Variants in NRF1 observed in about 807,000 individuals in gnomAD.
The protein encoded by NRF1 is nuclear respiratory factor 1.
Under a neutral mutation model 58.5 loss-of-function variants are expected in NRF1, and 5 were observed. The ratio of observed to expected loss-of-function variants is 0.09; its 90% CI spans 0.04 to 0.18. The LOEUF (loss-of-function observed/expected upper bound fraction) is 0.18. NRF1 is among the 10% of genes least tolerant of loss of function. NRF1 has a pLI of 1.00. For missense variants in NRF1, 288 were observed against 657.7 expected (o/e 0.44, Z 6.15); for synonymous variants, 224 against 246.7 (o/e 0.91, Z 0.86).
intron 1 of NRF1, among the ~76,000 whole-genome samples, chr7:129,630,335 GTC>G (rs1801020639): frequency 6.6e-6 from 1 of 152,200 alleles, no homozygotes; most frequent in Non-Finnish European, 1.5e-5. Context: ...AGAGCTAACA[GTC>G]TGAGCCTTGC....
At chr7:129,680,970 C>A (rs1226909785) in intron 4 of NRF1, among the ~76,000 whole-genome samples, 1 of 152,164 alleles carries the variant, frequency 6.6e-6, no homozygotes, top group Non-Finnish European at 1.5e-5. Context: ...ATGTGCAGGT[C>A]CCATCCCTGG....
chr7:129,631,763 A>G (rs146388821), intron 1 of NRF1, among the ~76,000 whole-genome samples: 199 of 152,272 alleles, frequency 1.3e-3, no homozygotes, highest in Non-Finnish European at 2.5e-3. Flanking sequence ...AAAGTAAAAA[A>G]TCTTCTTTTA....
intron 1 of NRF1, among the ~76,000 whole-genome samples, chr7:129,640,816 A>G (rs1801272899): frequency 6.6e-6 from 1 of 151,112 alleles, no homozygotes; most frequent in Non-Finnish European, 1.5e-5. Flanking sequence ...GGAAAATGAG[A>G]ACATCAAACT....
chr7:129,721,722 C>A (rs1803331415), intron 9 of NRF1, among the ~76,000 whole-genome samples: 1 of 152,096 alleles, frequency 6.6e-6, no homozygotes, highest in Non-Finnish European at 1.5e-5. Context: ...ACCTCGTGAT[C>A]CACCCGCCTC....
At chr7:129,691,881 T>C (rs1028665594) in intron 5 of NRF1, among the ~76,000 whole-genome samples, 2 of 152,112 alleles carry the variant, frequency 1.3e-5, no homozygotes, top group East Asian at 1.9e-4. Flanking sequence ...ATCATCGATA[T>C]GCTGTTTTCA....
At chr7:129,710,705 T>C in intron 7 of NRF1, 134 bp downstream of exon 7, 1 of 628,832 alleles carries the variant, frequency 1.6e-6, no homozygotes, top group South Asian at 1.9e-5. Flanking sequence ...TCTTCCTACC[T>C]GAAATTGATT....
intron 1 of NRF1, among the ~76,000 whole-genome samples, chr7:129,649,795 TCA>T (rs1321174912): frequency 1.8e-4 from 27 of 152,150 alleles, no homozygotes; most frequent in African/African-American, 6.5e-4. Context: ...ACTCTGTCAC[TCA>T]CACAGGAGTG....
At chr7:129,729,370 G>A (rs1803526996) in intron 10 of NRF1, among the ~76,000 whole-genome samples, 1 of 152,228 alleles carries the variant, frequency 6.6e-6, no homozygotes, top group Non-Finnish European at 1.5e-5. Flanking sequence ...ATCATTTGGT[G>A]TGATTTCATG....
chr7:129,639,754 G>A (rs1051795343), intron 1 of NRF1, among the ~76,000 whole-genome samples: 3 of 151,960 alleles, frequency 2.0e-5, no homozygotes, highest in African/African-American at 7.3e-5. Context: ...CACCATGCTG[G>A]CCAGGCTGGT....
chr7:129,625,601 G>C (rs1800894770), intron 1 of NRF1, among the ~76,000 whole-genome samples: 1 of 151,690 alleles, frequency 6.6e-6, no homozygotes, highest in African/African-American at 2.4e-5. Flanking sequence ...CCTGGGCTCG[G>C]GCAGTCTTCC....
intron 4 of NRF1, among the ~76,000 whole-genome samples, chr7:129,682,901 TAAGAATTG>T (rs1802352892): frequency 6.6e-6 from 1 of 152,154 alleles, no homozygotes; most frequent in Non-Finnish European, 1.5e-5. Context: ...AAATGGATTA[TAAGAATTG>T]ACCATTTATT....
intron 2 of NRF1, among the ~76,000 whole-genome samples, chr7:129,669,134 A>G (rs546330300): frequency 1.2e-4 from 19 of 152,198 alleles, no homozygotes; most frequent in Admixed American, 1.1e-3. Flanking sequence ...TTTAGTAGAG[A>G]TGGGGTTTCA....
chr7:129,671,646 A>G, intron 3 of NRF1, 103 bp downstream of exon 3: 1 of 655,580 alleles, frequency 1.5e-6, no homozygotes, highest in South Asian at 1.9e-5. Context: ...GCTTGGTTCG[A>G]TTCCTTGATG....
At position 129,663,500 on chromosome 7, in the gene NRF1, C is replaced by T. The variant is rs537716235; in HGVS notation, c.223+5926C>T. Among the ~76,000 whole-genome samples the T allele has an allele frequency of 1.9e-4, 29 of 148,884 alleles. No individual in the cohort carries two copies. The East Asian group carries it at 4.9e-3, about 25-fold the overall frequency. ...CTCCTCACCTCCCAGACGGGGCGGC[C>T]GGGCAGAGGCGCTCCCCACCTCCCA... On this transcript the variant is annotated intron_variant, in intron 2 of 10. Transcript: ENST00000393232.
At chr7:129,717,741 C>G (rs1042474834) in intron 9 of NRF1, among the ~76,000 whole-genome samples, 4 of 152,184 alleles carry the variant, frequency 2.6e-5, no homozygotes, top group Non-Finnish European at 4.4e-5. Flanking sequence ...ACCAGTGTAG[C>G]CTTTCTGACT....
intron 5 of NRF1, among the ~76,000 whole-genome samples, chr7:129,692,106 C>T (rs987858339): frequency 2.0e-5 from 3 of 152,068 alleles, no homozygotes; most frequent in African/African-American, 4.8e-5. Flanking sequence ...GCCACCCTCC[C>T]GGTGGCAGGT....
At chr7:129,736,986 G>A (rs988301323) in intron 10 of NRF1, among the ~76,000 whole-genome samples, 3 of 152,222 alleles carry the variant, frequency 2.0e-5, no homozygotes, top group Admixed American at 1.3e-4. Flanking sequence ...TCAGAAGGAA[G>A]TTGTGAGCAT....
In NRF1 at chr7:129,682,630, TAAAAA is replaced by T. The variant is rs771494622; in HGVS notation, c.465+4890_465+4894del. Among the ~76,000 whole-genome samples, 564 of 87,874 alleles carry T rather than the reference TAAAAA, an allele frequency of 6.4e-3. 1 individual carries two copies. Among genetic ancestry groups the T allele is most frequent in the African/African-American group, 0.019 (515 of 27,064 alleles). The allele number at this position is 87,874 out of a possible 152,430, so 57.6% of individuals were successfully genotyped here. The stretch of plus-strand genomic sequence containing the variant: ...GAGACCCTGTCTCTGCAAAAAAATG[TAAAAA>T]AAAAAAAAAAAAAAAAAGGATCTGG... On this transcript the variant is annotated intron_variant, in intron 4 of 10. Transcript: ENST00000393232.
chr7:129,722,208 A>G (rs552037491), intron 9 of NRF1, among the ~76,000 whole-genome samples: 61 of 152,102 alleles, frequency 4.0e-4, no homozygotes, highest in Admixed American at 1.4e-3. Context: ...CAGCCTCAAC[A>G]TGGAGAAACC....
Sources: gnomAD v4.1 joint callset for allele counts (sites outside exome capture counted in the v4.1 genomes callset) on GRCh38, gnomAD v4.1.1 for gene constraint, MANE v1.5 for transcripts, NCBI Gene and HGNC (gene_info 2026-07-23, HGNC 2026-07-21) for gene names.